Variants in NTNG2 observed in about 807,000 individuals in gnomAD.
NTNG2 encodes the protein netrin-G2.
A neutral mutation model predicts 47.6 loss-of-function variants in NTNG2; 15 were observed. The ratio of observed to expected loss-of-function variants is 0.32; its 90% CI spans 0.21 to 0.49. The LOEUF is 0.49. Ranked by LOEUF, NTNG2 falls within the 20% of genes least tolerant of loss-of-function variation. NTNG2 has a pLI of 0.99. For synonymous variants in NTNG2, 307 were observed against 324.6 expected (o/e 0.95, Z 0.58); for missense variants, 578 against 764.6 (o/e 0.76, Z 2.88).
At position 132,166,690 on chromosome 9, in the gene NTNG2, T is replaced by TCAG; in HGVS notation, c.-141_-139dup. ...CAAGTTCCTCGCTGTTTGCAAAGCT[T>TCAG]CAGTGCTCGGGTCCCTGGGACACCC... On this transcript the variant is annotated 5_prime_UTR_variant, in exon 2 of 8. Coordinates refer to ENST00000393229, the MANE Select transcript of NTNG2 (RefSeq NM_032536.4). The TCAG allele has an allele frequency of 1.4e-6, 1 of 713,404 alleles. No homozygotes were observed. The highest frequency in any genetic ancestry group is 2.4e-6 in the Non-Finnish European group (1 of 415,740). 44.2% of individuals were successfully genotyped at this position (713,404 alleles called of 1,614,324 possible). A position where few individuals can be genotyped will look rare whatever the true frequency, so the allele number is the denominator to read the frequency against.
intron 3 of NTNG2, among the ~76,000 whole-genome samples, chr9:132,211,058 G>A (rs779046890): frequency 8.5e-5 from 13 of 152,246 alleles, no homozygotes; most frequent in Middle Eastern, 3.4e-3. Flanking sequence ...GCTCACAGAC[G>A]CGGACCCACA....
chr9:132,214,893 A>T (rs984656736), intron 3 of NTNG2, among the ~76,000 whole-genome samples: 21 of 150,952 alleles, frequency 1.4e-4, no homozygotes, highest in Non-Finnish European at 2.8e-4. Context: ...TTTTTTAGAG[A>T]CAGGGTCTTG....
intron 2 of NTNG2, among the ~76,000 whole-genome samples, chr9:132,188,317 A>G (rs1417057456): frequency 6.6e-6 from 1 of 152,260 alleles, no homozygotes. Flanking sequence ...CAGCAACAGC[A>G]GTCAAGAGAC....
chr9:132,208,695 G>A lies in NTNG2; in HGVS notation c.857+10086G>A, dbSNP rs1249069152. Among the ~76,000 whole-genome samples, 1 of 152,200 alleles carries A rather than the reference G, an allele frequency of 6.6e-6. No individual in the cohort carries two copies. The highest frequency in any genetic ancestry group is 1.5e-5 in the Non-Finnish European group (1 of 68,032). On this transcript the variant is annotated intron_variant, in intron 3 of 7. Transcript: ENST00000393229. This position sits in a 1 kb window ranked among gnomAD's most constrained non-coding sequence, Gnocchi z 4.0. Reference sequence around the variant, plus strand: ...TTTGCCTTGTCAAATGGGGACAGAGGTGAGGGGATTTTCTGGAGGGGAATT... The same window carrying A: ...TTTGCCTTGTCAAATGGGGACAGAGATGAGGGGATTTTCTGGAGGGGAATT...
At chr9:132,176,378 C>G (rs111674971) in intron 2 of NTNG2, among the ~76,000 whole-genome samples, 11 of 152,160 alleles carry the variant, frequency 7.2e-5, no homozygotes, top group Non-Finnish European at 1.3e-4. Flanking sequence ...GAAAACCACG[C>G]GTCTACTTTT....
In NTNG2 at chr9:132,182,753, G is replaced by A. The variant is rs906228031; in HGVS notation, c.214-15213G>A. On this transcript the variant is annotated intron_variant, in intron 2 of 7. Transcript: ENST00000393229. This position sits in a 1 kb window ranked among gnomAD's most constrained non-coding sequence, Gnocchi z 4.2. ...AACACTTGGGGCAGTCTTCTCGAAGGCCTCAAGCCCAGCGGGCAGCTATGA... is the reference window on the plus strand; with the variant it reads ...AACACTTGGGGCAGTCTTCTCGAAGACCTCAAGCCCAGCGGGCAGCTATGA... 1.3e-5 allele frequency among the ~76,000 whole-genome samples: 2 copies of A among 152,176 alleles called. No homozygotes were observed. The highest frequency in any genetic ancestry group is 2.4e-5 in the African/African-American group (1 of 41,434).
intron 3 of NTNG2, among the ~76,000 whole-genome samples, chr9:132,210,907 C>T (rs1190405914): frequency 2.6e-5 from 4 of 152,120 alleles, no homozygotes; most frequent in Non-Finnish European, 4.4e-5. Context: ...AAGTCACACA[C>T]ACACGCAGCC....
chr9:132,209,765 A>T (rs1839447008), intron 3 of NTNG2, among the ~76,000 whole-genome samples: 2 of 152,054 alleles, frequency 1.3e-5, no homozygotes, highest in Non-Finnish European at 2.9e-5. Context: ...CAAGCTTTTG[A>T]AAACGTTTTG....
At chr9:132,164,070 C>G (rs1273541827) in intron 1 of NTNG2, among the ~76,000 whole-genome samples, 1 of 152,162 alleles carries the variant, frequency 6.6e-6, no homozygotes, top group Non-Finnish European at 1.5e-5. Flanking sequence ...TGCCTCTCTT[C>G]CCCCTTCTCT....
chr9:132,217,226 A>G (rs1423516625), intron 3 of NTNG2, among the ~76,000 whole-genome samples: 1 of 152,274 alleles, frequency 6.6e-6, no homozygotes, highest in African/African-American at 2.4e-5. Flanking sequence ...AGGAGCACTC[A>G]GCAAATTATT....
chr9:132,240,609 C>A lies in NTNG2; in HGVS notation c.1223-301C>A, dbSNP rs112181461. 873 of 505,468 alleles carry A rather than the reference C, an allele frequency of 1.7e-3. 4 individuals are homozygous for A. Among genetic ancestry groups the A allele is most frequent in the Admixed American group, 3.7e-3 (111 of 29,798 alleles). 31.3% of individuals were successfully genotyped at this position (505,468 alleles called of 1,614,324 possible). A position where few individuals can be genotyped will look rare whatever the true frequency, so the allele number is the denominator to read the frequency against. ...AGCTCTTTGGAGATGGGAAGGACAGCGACCCCTCTAGTTGCCCAGAGAGGG... is the reference window on the plus strand; with the variant it reads ...AGCTCTTTGGAGATGGGAAGGACAGAGACCCCTCTAGTTGCCCAGAGAGGG... On this transcript the variant is annotated intron_variant, in intron 6 of 7. Transcript: ENST00000393229.
Position 132,243,586 on chromosome 9 carries a change from G to C in NTNG2, c.*1475G>C, listed in dbSNP as rs1011662897. ...CCTATGTTTATTTCAGAGCAGTGCC[G>C]GGGGTCCGGTCCTGGTTGCTAACTG... On this transcript the variant is annotated 3_prime_UTR_variant, in exon 8 of 8. Coordinates refer to ENST00000393229, the MANE Select transcript of NTNG2 (RefSeq NM_032536.4). The C allele has an allele frequency of 6.6e-6, 1 of 152,466 alleles. No individual in the cohort carries two copies. The highest frequency in any genetic ancestry group is 1.5e-5 in the Non-Finnish European group (1 of 68,156). The allele number at this position is 152,466 out of a possible 1,614,324, so 9.4% of individuals were successfully genotyped here.
intron 3 of NTNG2, among the ~76,000 whole-genome samples, chr9:132,222,684 C>T (rs1342072753): frequency 2.6e-5 from 4 of 152,144 alleles, no homozygotes; most frequent in Non-Finnish European, 4.4e-5. Flanking sequence ...CCTGAGTGCC[C>T]CCTCTCCCAC....
chr9:132,205,655 C>A (rs112346096), intron 3 of NTNG2, among the ~76,000 whole-genome samples: 1 of 151,856 alleles, frequency 6.6e-6, no homozygotes, highest in South Asian at 2.1e-4. Flanking sequence ...CCGAGGCGGG[C>A]GGATCACTTG....
chr9:132,175,574 C>A (rs370674682), intron 2 of NTNG2, among the ~76,000 whole-genome samples: 1 of 152,208 alleles, frequency 6.6e-6, no homozygotes. Flanking sequence ...GCAGATGATG[C>A]GGGAACCGGT....
intron 3 of NTNG2, among the ~76,000 whole-genome samples, chr9:132,203,421 G>A (rs1838932577): frequency 6.6e-6 from 1 of 152,154 alleles, no homozygotes. Flanking sequence ...TATGGTACCA[G>A]CGGAAGCGAT....
chr9:132,215,682 A>G lies in NTNG2; in HGVS notation c.858-11167A>G, dbSNP rs1170484507. 6.6e-6 allele frequency among the ~76,000 whole-genome samples: 1 copy of G among 152,144 alleles called. No homozygotes were observed. Among genetic ancestry groups the G allele is most frequent in the Non-Finnish European group, 1.5e-5 (1 of 68,036 alleles). ...CTCTTGGGGCGCCCCAGGGGCCTGG[A>G]GAATAGGTTGATTATCTCTATTTTG... On this transcript the variant is annotated intron_variant, in intron 3 of 7. Transcript: ENST00000393229. The surrounding 1 kb of genome is among the most constrained non-coding windows in gnomAD (Gnocchi z 4.2).
At position 132,166,520 on chromosome 9, in the gene NTNG2, T is replaced by C; in HGVS notation, c.-312T>C. 2.5e-6 allele frequency: 1 copy of C among 397,272 alleles called. No homozygotes were observed. Among genetic ancestry groups the C allele is most frequent in the South Asian group, 2.7e-5 (1 of 36,492 alleles). The allele number at this position is 397,272 out of a possible 1,614,324, so 24.6% of individuals were successfully genotyped here. On this transcript the variant is annotated 5_prime_UTR_variant, in exon 2 of 8. Coordinates refer to ENST00000393229, the MANE Select transcript of NTNG2 (RefSeq NM_032536.4). ...CATCCACTGTCACAATTTGAGAATC[T>C]GCCTGATTTGATCAGATTCACCTCC...
intron 2 of NTNG2, among the ~76,000 whole-genome samples, chr9:132,188,086 C>T (rs1837542507): frequency 6.6e-6 from 1 of 152,238 alleles, no homozygotes; most frequent in Non-Finnish European, 1.5e-5. Flanking sequence ...CCCGAAATGG[C>T]AGAGGCCACA....
Sources: gnomAD v4.1 joint callset for allele counts (sites outside exome capture counted in the v4.1 genomes callset) on GRCh38, gnomAD v4.1.1 for gene constraint, Gnocchi (gnomAD v3.1) non-coding constraint, MANE v1.5 for transcripts, NCBI Gene and HGNC (gene_info 2026-07-23, HGNC 2026-07-21) for gene names.